BPHL: variants seen among roughly 807,000 people sequenced by gnomAD.
The protein encoded by BPHL is serine hydrolase BPHL.
In BPHL, 27 loss-of-function variants were observed where a neutral mutation model predicts 31.2. The observed-to-expected ratio is 0.87, with a 90% CI of 0.64 to 1.19. The LOEUF (loss-of-function observed/expected upper bound fraction) is 1.19. BPHL is among the 50% of genes most tolerant of loss of function. The pLI is 0.00. For synonymous variants in BPHL, 150 were observed against 146.8 expected, an observed-to-expected ratio of 1.02 and a Z score of -0.16; for missense variants, 356 against 375.7, an observed-to-expected ratio of 0.95 and a Z score of 0.43.
chr6:3,150,529 T>C (rs1762492754), intron 6 of BPHL, among the ~76,000 whole-genome samples: 1 of 152,256 alleles, frequency 6.6e-6, no homozygotes, highest in Admixed American at 6.5e-5. Context: ...GGAACTCGTG[T>C]TCATCCTCTG....
At chr6:3,147,090 C>T (rs756942546) in intron 6 of BPHL, among the ~76,000 whole-genome samples, 27 of 152,206 alleles carry the variant, frequency 1.8e-4, no homozygotes, top group South Asian at 1.7e-3. Context: ...GCTGAAACCT[C>T]GTCTCTACAA....
At chr6:3,131,909 C>T (rs1447922415) in intron 4 of BPHL, among the ~76,000 whole-genome samples, 2 of 152,188 alleles carry the variant, frequency 1.3e-5, no homozygotes, top group Non-Finnish European at 2.9e-5. Flanking sequence ...TGGCGGTGCT[C>T]TCCCTCCTGG....
chr6:3,152,810 T>A lies in BPHL; in HGVS notation c.*235T>A. On this transcript the variant is annotated 3_prime_UTR_variant, in exon 7 of 7. Transcript: ENST00000380379. ...GGGAGGCTGAGGTGGGAGAATTGCC[T>A]GAGCCCAGGAGTTCAAGACCAGCTT... The A allele has an allele frequency of 2.6e-6, 1 of 389,614 alleles. No individual in the cohort carries two copies. The highest frequency in any genetic ancestry group is 4.6e-5 in the East Asian group (1 of 21,580). The allele number at this position is 389,614 out of a possible 1,614,324, so 24.1% of individuals were successfully genotyped here. A position where few individuals can be genotyped will look rare whatever the true frequency, so the allele number is the denominator to read the frequency against.
At chr6:3,137,601 A>C in intron 5 of BPHL, 108 bp downstream of exon 5, 1 of 1,478,616 alleles carries the variant, frequency 6.8e-7, no homozygotes, top group South Asian at 1.2e-5. Context: ...CATCGCCCTC[A>C]CACGCTCATG....
chr6:3,133,133 C>CT (rs1212957280), intron 4 of BPHL, among the ~76,000 whole-genome samples: 1 of 152,200 alleles, frequency 6.6e-6, no homozygotes, highest in Non-Finnish European at 1.5e-5. Flanking sequence ...TGTAAGGTCT[C>CT]TGATTCTCAG....
At chr6:3,121,905 C>T (rs972679714) in intron 1 of BPHL, among the ~76,000 whole-genome samples, 2 of 152,092 alleles carry the variant, frequency 1.3e-5, no homozygotes, top group African/African-American at 2.4e-5. Context: ...TAAGATTAAA[C>T]CAAAAGATAA....
chr6:3,135,162 A>G (rs1403957224), intron 4 of BPHL, among the ~76,000 whole-genome samples: 1 of 152,238 alleles, frequency 6.6e-6, no homozygotes, highest in Non-Finnish European at 1.5e-5. Context: ...AAAAGCATTT[A>G]TCTTCTCTTC....
intron 2 of BPHL, 152 bp from the exon 3 acceptor site, chr6:3,127,090 T>G: frequency 2.1e-6 from 1 of 485,856 alleles, no homozygotes; most frequent in South Asian, 6.1e-5. Flanking sequence ...AGTGGATGGA[T>G]TAAGTCATTG....
chr6:3,146,327 A>C (rs867423619), intron 6 of BPHL, among the ~76,000 whole-genome samples: 1 of 6,768 alleles, frequency 1.5e-4, no homozygotes, highest in African/African-American at 4.7e-4. Flanking sequence ...GGTTCGGGTC[A>C]GAGTGCTGGT....
chr6:3,122,455 C>G (rs934252427), intron 1 of BPHL, among the ~76,000 whole-genome samples: 30 of 152,306 alleles, frequency 2.0e-4, no homozygotes, highest in African/African-American at 6.5e-4. Flanking sequence ...GCTGATGGAG[C>G]CTGGTCCTGG....
chr6:3,152,796 G>A lies in BPHL; in HGVS notation c.*221G>A. ...AATCTCAGCACTTTGGGAGGCTGAG[G>A]TGGGAGAATTGCCTGAGCCCAGGAG... On this transcript the variant is annotated 3_prime_UTR_variant, in exon 7 of 7. Transcript: ENST00000380379. 1 of 403,936 alleles carries A rather than the reference G, an allele frequency of 2.5e-6. No individual in the cohort carries two copies. Among genetic ancestry groups the A allele is most frequent in the East Asian group, 4.4e-5 (1 of 22,946 alleles). 25.0% of individuals were successfully genotyped at this position (403,936 alleles called of 1,614,324 possible). A position where few individuals can be genotyped will look rare whatever the true frequency, so the allele number is the denominator to read the frequency against.
chr6:3,132,815 A>G lies in BPHL; in HGVS notation c.532+3617A>G, dbSNP rs989150886. ...CACTGCACTGTAGCTTGGGTGACAG[A>G]GGCGAGACCCTGTCCCAACAACAGC... On this transcript the variant is annotated intron_variant, in intron 4 of 6. Coordinates refer to ENST00000380379, the MANE Select transcript of BPHL (RefSeq NM_004332.4). Among the ~76,000 whole-genome samples the G allele has an allele frequency of 7.9e-5, 12 of 152,198 alleles. No individual in the cohort carries two copies. The East Asian group carries it at 2.3e-3, about 29-fold the overall frequency.
Position 3,140,402 on chromosome 6 carries a change from C to A in BPHL, c.681C>A (p.His227Gln). Residue 227 changes from histidine to glutamine, a missense_variant, in exon 6 of 7, where the codon CAC becomes CAA. Coordinates refer to ENST00000380379, the MANE Select transcript of BPHL (RefSeq NM_004332.4). The surrounding 1 kb of genome is among the most constrained non-coding windows in gnomAD (Gnocchi z 5.2). ...ATCCGTCAGGTAACATCTGCCGGCA[C>A]CTGCTGCCCCGGGTCCAGTGCCCCG... The part of the protein sequence containing the change: ...KHLPDGNICR[H>Q]LLPRVQCPAL... 2.5e-6 allele frequency: 4 copies of A among 1,614,132 alleles called. No homozygotes were observed. The South Asian group carries it at 4.4e-5, about 18-fold the overall frequency.
At chr6:3,143,877 AACG>A (rs1762244999) in intron 6 of BPHL, among the ~76,000 whole-genome samples, 1 of 152,266 alleles carries the variant, frequency 6.6e-6, no homozygotes, top group South Asian at 2.1e-4. Flanking sequence ...CTCGACTGCA[AACG>A]ATGAGTCCCT....
intron 4 of BPHL, among the ~76,000 whole-genome samples, chr6:3,132,123 CTTT>C (rs1761888625): frequency 6.6e-6 from 1 of 152,188 alleles, no homozygotes; most frequent in African/African-American, 2.4e-5. Context: ...CCTGGCTACT[CTTT>C]CTTTTTCATC....
Position 3,152,528 on chromosome 6 carries a change from C to A in BPHL, c.829C>A (p.Arg277Ser). The change falls in exon 7 of 7, where the codon CGT becomes AGT. Residue 277 changes from arginine (R) to serine (S), a missense_variant. Transcript: ENST00000380379. Reference sequence around the variant, plus strand: ...AGAAGGCAAACACAACCTGCATTTGCGTTTTGCAGATGAATTCAACAAGTT... The same window carrying A: ...AGAAGGCAAACACAACCTGCATTTGAGTTTTGCAGATGAATTCAACAAGTT... ...MPEGKHNLHL[R>S]FADEFNKLAE... is the part of the protein sequence containing the mutation. 1 of 1,612,760 alleles carries A rather than the reference C, an allele frequency of 6.2e-7. No individual in the cohort carries two copies. The highest frequency in any genetic ancestry group is 2.2e-5 in the East Asian group (1 of 44,794).
intron 6 of BPHL, among the ~76,000 whole-genome samples, chr6:3,146,196 CGGGG>C (rs1762349979): frequency 4.0e-5 from 1 of 24,960 alleles, no homozygotes; most frequent in South Asian, 1.2e-3. Context: ...AGTGCTGGTT[CGGGG>C]TGGAGTGCTG....
At chr6:3,137,624 A>G (rs1762050627) in intron 5 of BPHL, 131 bp downstream of exon 5, 19 of 1,319,216 alleles carry the variant, frequency 1.4e-5, no homozygotes, top group Non-Finnish European at 2.0e-5. Flanking sequence ...TGAGCAGAAC[A>G]GAGAATACTA....
chr6:3,118,943 C>CGGGCACGGGGCGT (rs1761473368), intron 1 of BPHL, 96 bp downstream of exon 1: 1 of 1,046,438 alleles, frequency 9.6e-7, no homozygotes, highest in Non-Finnish European at 1.2e-6. Context: ...TCCCGGCGCG[C>CGGGCACGGGGCGT]GGGCACGGGG....
Sources: allele counts gnomAD v4.1 joint callset (sites outside exome capture counted in the v4.1 genomes callset), GRCh38; gene constraint gnomAD v4.1.1; non-coding constraint Gnocchi (gnomAD v3.1); transcripts MANE v1.5; gene names NCBI Gene and HGNC (gene_info 2026-07-23, HGNC 2026-07-21).